Variants in ATXN10 observed in about 807,000 individuals in gnomAD.
The protein encoded by ATXN10 is ataxin-10.
ATXN10 carries 28 observed loss-of-function variants against 52.9 expected under a neutral mutation model. The observed-to-expected ratio is 0.53, with a 90% CI of 0.39 to 0.73. The LOEUF (loss-of-function observed/expected upper bound fraction) is 0.73, where lower values mean the gene tolerates loss of function less well. Ranked by LOEUF, ATXN10 falls within the 30% of genes least tolerant of loss-of-function variation. The pLI, the probability that ATXN10 is intolerant of heterozygous loss-of-function variation, is 0.00. For synonymous variants in ATXN10, 226 were observed against 221.5 expected, an observed-to-expected ratio of 1.02 and a Z score of -0.18; for missense variants, 565 against 577.0, an observed-to-expected ratio of 0.98 and a Z score of 0.21.
rs1398623924 is a variant in ATXN10 at position 45,780,095 on chromosome 22, T to G, written c.1174-26864T>G. Reference sequence around the variant, plus strand: ...AGGCAGACTGCATCATCTTTTTTTTTTTTTTTGAGACGGAGTCTCGTTGTG... The same window carrying G: ...AGGCAGACTGCATCATCTTTTTTTTGTTTTTTGAGACGGAGTCTCGTTGTG... On this transcript the variant is annotated intron_variant, in intron 9 of 11. Coordinates refer to ENST00000252934, the MANE Select transcript of ATXN10 (RefSeq NM_013236.4). This position sits in a 1 kb window ranked among gnomAD's most constrained non-coding sequence, Gnocchi z 4.0. Among the ~76,000 whole-genome samples, 2 of 152,072 alleles carry G rather than the reference T, an allele frequency of 1.3e-5. No homozygotes were observed. The highest frequency in any genetic ancestry group is 2.9e-5 in the Non-Finnish European group (2 of 67,976).
rs1923602301 is a variant in ATXN10, at chr22:45,696,283, A to G, written c.391+3205A>G. On this transcript the variant is annotated intron_variant, in intron 3 of 11. Coordinates refer to ENST00000252934, the MANE Select transcript of ATXN10 (RefSeq NM_013236.4). This position sits in a 1 kb window ranked among gnomAD's most constrained non-coding sequence, Gnocchi z 4.7. The stretch of plus-strand genomic sequence containing the variant: ...CACAGTGTCACTTGGAAGGGCAGCT[A>G]TTTTGAGGTCTCTGTGTGGTATAGT... Among the ~76,000 whole-genome samples the G allele has an allele frequency of 6.6e-6, 1 of 152,192 alleles. No individual in the cohort carries two copies. The highest frequency in any genetic ancestry group is 2.4e-5 in the African/African-American group (1 of 41,438).
At chr22:45,721,482 G>T (rs1053444228) in intron 6 of ATXN10, among the ~76,000 whole-genome samples, 1 of 152,182 alleles carries the variant, frequency 6.6e-6, no homozygotes, top group Non-Finnish European at 1.5e-5. Context: ...TAAACGTGTT[G>T]CAGGGAAGAA....
At chr22:45,700,827 G>A (rs949633981) in intron 4 of ATXN10, among the ~76,000 whole-genome samples, 2 of 152,166 alleles carry the variant, frequency 1.3e-5, no homozygotes, top group Admixed American at 6.5e-5. Flanking sequence ...GCACAATGCT[G>A]TATGTTTTGG....
At chr22:45,811,519 C>A (rs955906194) in intron 10 of ATXN10, among the ~76,000 whole-genome samples, 2 of 152,164 alleles carry the variant, frequency 1.3e-5, no homozygotes, top group Admixed American at 6.5e-5. Flanking sequence ...AGATACTTAT[C>A]ATTGTATTAT....
At chr22:45,811,893 A>C in intron 10 of ATXN10, 1 of 426,704 alleles carries the variant, frequency 2.3e-6, no homozygotes, top group East Asian at 7.0e-5. Context: ...ACCTTGCATA[A>C]GCATGCCCCT....
intron 5 of ATXN10, among the ~76,000 whole-genome samples, chr22:45,711,179 C>T (rs1449121876): frequency 1.3e-5 from 2 of 151,438 alleles, no homozygotes; most frequent in Admixed American, 6.6e-5. Context: ...AAATACTATT[C>T]AGCAATAAAA....
intron 9 of ATXN10, among the ~76,000 whole-genome samples, chr22:45,773,682 T>C (rs912895172): frequency 1.3e-5 from 2 of 152,094 alleles, no homozygotes; most frequent in Non-Finnish European, 2.9e-5. Flanking sequence ...GGTCTCGAAC[T>C]CCTGACCTCT....
chr22:45,786,419 G>A lies in ATXN10; in HGVS notation c.1174-20540G>A, dbSNP rs1927325547. ...TGGGATGCAGTCTCTGACATTCTCGGCCTCACTGTGTTCCCGTGTGGCCAC... is the reference window on the plus strand; with the variant it reads ...TGGGATGCAGTCTCTGACATTCTCGACCTCACTGTGTTCCCGTGTGGCCAC... On this transcript the variant is annotated intron_variant, in intron 9 of 11. Transcript: ENST00000252934. This position sits in a 1 kb window ranked among gnomAD's most constrained non-coding sequence, Gnocchi z 4.1. Among the ~76,000 whole-genome samples, 1 of 152,168 alleles carries A rather than the reference G, an allele frequency of 6.6e-6. No homozygotes were observed. The highest frequency in any genetic ancestry group is 2.1e-4 in the South Asian group (1 of 4,834).
chr22:45,744,940 GCTAGACTTCC>G lies in ATXN10; in HGVS notation c.1173+4405_1173+4414del, dbSNP rs1925671227. 1 of 152,180 alleles carries G rather than the reference GCTAGACTTCC, an allele frequency of 6.6e-6. No homozygotes were observed. The highest frequency in any genetic ancestry group is 1.5e-5 in the Non-Finnish European group (1 of 68,022). The allele number at this position is 152,180 out of a possible 1,614,324, so 9.4% of individuals were successfully genotyped here. ...GTGTTTCCTGAATTGTAAAGGAATT[GCTAGACTTCC>G]CTTTACCTCGTCATGGTAGGGAGGT... On this transcript the variant is annotated intron_variant, in intron 9 of 11. Transcript: ENST00000252934. The surrounding 1 kb of genome is among the most constrained non-coding windows in gnomAD (Gnocchi z 4.9).
chr22:45,717,128 C>T (rs184055446), intron 5 of ATXN10, among the ~76,000 whole-genome samples: 2 of 152,152 alleles, frequency 1.3e-5, no homozygotes, highest in East Asian at 1.9e-4. Context: ...TAGGGATTGG[C>T]GAAATACCTC....
intron 8 of ATXN10, 31 bp from the exon 9 acceptor site, chr22:45,740,338 T>C (rs760294322): frequency 6.8e-6 from 11 of 1,612,814 alleles, no homozygotes; most frequent in Non-Finnish European, 9.3e-6. Context: ...TACTTTTCTG[T>C]GGAAAATGAA....
chr22:45,785,962 T>C (rs1927309871), intron 9 of ATXN10, among the ~76,000 whole-genome samples: 1 of 152,230 alleles, frequency 6.6e-6, no homozygotes. Flanking sequence ...TTTGTAGCTA[T>C]GCAGTGATTC....
Position 45,677,708 on chromosome 22 carries a change from A to G in ATXN10, c.116+5529A>G, listed in dbSNP as rs1922757175. The G allele has an allele frequency of 6.6e-6, 1 of 152,234 alleles. No homozygotes were observed. Among genetic ancestry groups the G allele is most frequent in the Non-Finnish European group, 1.5e-5 (1 of 68,048 alleles). 9.4% of individuals were successfully genotyped at this position (152,234 alleles called of 1,614,324 possible). On this transcript the variant is annotated intron_variant, in intron 1 of 11. Transcript: ENST00000252934. The surrounding 1 kb of genome is among the most constrained non-coding windows in gnomAD (Gnocchi z 4.1). ...AAATAAAGGCCAATAAGCGTATGAT[A>G]AAGTGCTCCAAATCACTAGTTATTA... is the stretch of plus-strand genomic sequence containing the variant.
At chr22:45,707,491 A>C (rs1471437520) in intron 5 of ATXN10, among the ~76,000 whole-genome samples, 1 of 151,898 alleles carries the variant, frequency 6.6e-6, no homozygotes, top group Non-Finnish European at 1.5e-5. Context: ...ATTAGAGTCA[A>C]CTTACTTAGA....
rs771603408 is a variant in ATXN10, at chr22:45,772,703, A to G, written c.1173+32165A>G. Among the ~76,000 whole-genome samples the G allele has an allele frequency of 6.6e-6, 1 of 152,136 alleles. No individual in the cohort carries two copies. The highest frequency in any genetic ancestry group is 2.4e-5 in the African/African-American group (1 of 41,430). Reference sequence around the variant, plus strand: ...ATCCGTGAACCAGGAATGTCTTTCTATTTAGATCTTCTCTGATGTCTTTCA... The same window carrying G: ...ATCCGTGAACCAGGAATGTCTTTCTGTTTAGATCTTCTCTGATGTCTTTCA... On this transcript the variant is annotated intron_variant, in intron 9 of 11. Transcript: ENST00000252934. The surrounding 1 kb of genome is among the most constrained non-coding windows in gnomAD (Gnocchi z 4.1).
chr22:45,830,042 T>G (rs1443034545), intron 10 of ATXN10, among the ~76,000 whole-genome samples: 1 of 152,190 alleles, frequency 6.6e-6, no homozygotes, highest in Non-Finnish European at 1.5e-5. Flanking sequence ...TGGGACAGAA[T>G]AGAGAATCCA....
chr22:45,792,696 C>G (rs1359811655), intron 9 of ATXN10: 2 of 329,140 alleles, frequency 6.1e-6, no homozygotes, highest in African/African-American at 4.3e-5. Flanking sequence ...TGGCTCTGAA[C>G]TATCTATTGC....
At chr22:45,719,465 C>T (rs1647601931) in intron 6 of ATXN10, among the ~76,000 whole-genome samples, 1 of 151,914 alleles carries the variant, frequency 6.6e-6, no homozygotes, top group Non-Finnish European at 1.5e-5. Context: ...TGCTTCTTTC[C>T]CTATATGTAT....
rs1381258422 is a variant in ATXN10 at position 45,843,062 on chromosome 22, G to A, written c.1309G>A (p.Ala437Thr). The A allele has an allele frequency of 2.5e-6, 4 of 1,614,064 alleles. No homozygotes were observed. In the African/African-American group the frequency reaches 5.3e-5, roughly 22 times the overall value. ...CAACAGCCAAAACCAAGATTTGATTGCAAAGATGGAGGAACAGGGGCTGGC... is the reference window on the plus strand; with the variant it reads ...CAACAGCCAAAACCAAGATTTGATTACAAAGATGGAGGAACAGGGGCTGGC... ...EDNSQNQDLI[A>T]KMEEQGLADA... Residue 437 changes from alanine (A) to threonine (T), a missense_variant, in exon 11 of 12, where the codon GCA becomes ACA. Physicochemically the swap from Ala to Thr is moderately conservative, Grantham distance 58. Transcript: ENST00000252934. This position sits in a 1 kb window ranked among gnomAD's most constrained non-coding sequence, Gnocchi z 4.5.
Sources: gnomAD v4.1 joint callset for allele counts (sites outside exome capture counted in the v4.1 genomes callset) on GRCh38, gnomAD v4.1.1 for gene constraint, Gnocchi (gnomAD v3.1) non-coding constraint, MANE v1.5 for transcripts, NCBI Gene and HGNC (gene_info 2026-07-23, HGNC 2026-07-21) for gene names.